ASTN2: variants seen among roughly 807,000 people sequenced by gnomAD.
ASTN2 encodes the protein astrotactin 2.
ASTN2 carries 54 observed loss-of-function variants against 139.8 expected under a neutral mutation model. The observed-to-expected ratio is 0.39, with a 90% CI of 0.31 to 0.48. ASTN2 has a LOEUF of 0.48. Ranked by LOEUF, ASTN2 falls within the 20% of genes least tolerant of loss-of-function variation. The pLI is 0.95. For missense variants in ASTN2, 1,565 were observed against 1,725.1 expected (o/e 0.91, Z 1.64); for synonymous variants, 756 against 719.5 (o/e 1.05, Z -0.81).
intron 1 of ASTN2, among the ~76,000 whole-genome samples, chr9:117,400,377 C>T (rs185996391): frequency 6.6e-6 from 1 of 152,266 alleles, no homozygotes; most frequent in East Asian, 1.9e-4. Context: ...TCTGTTCCCT[C>T]CTGGAAGCAG....
At chr9:116,793,182 C>A (rs1334066424) in intron 13 of ASTN2, among the ~76,000 whole-genome samples, 2 of 152,084 alleles carry the variant, frequency 1.3e-5, no homozygotes, top group East Asian at 3.9e-4. Context: ...TCATTCTATT[C>A]CTAGGAATTT....
chr9:116,648,969 G>T (rs1230084107), intron 17 of ASTN2, among the ~76,000 whole-genome samples: 5 of 151,992 alleles, frequency 3.3e-5, no homozygotes, highest in Non-Finnish European at 7.4e-5. Context: ...AGGAGGCGGA[G>T]GTTGCAGTGA....
chr9:117,105,390 G>C (rs1483542836), intron 4 of ASTN2, among the ~76,000 whole-genome samples: 1 of 152,092 alleles, frequency 6.6e-6, no homozygotes, highest in East Asian at 1.9e-4. Context: ...TCTCAGCTAA[G>C]CCCAGCATTT....
In ASTN2 at chr9:116,939,754, C is replaced by A. The variant is rs57623790; in HGVS notation, c.1889+35454G>T. On this transcript the variant is annotated intron_variant, in intron 10 of 22. Transcript: ENST00000313400. ...TGGTCTCATAAAGCTCACAGCTCCA[C>A]AGTGAAGGGAAGCAGTCAGTTTTCA... is the stretch of plus-strand genomic sequence containing the variant. Among the ~76,000 whole-genome samples the A allele has an allele frequency of 8.8e-3, 1,345 of 152,064 alleles. 28 individuals are homozygous for A. The highest frequency in any genetic ancestry group is 0.031 in the African/African-American group (1,274 of 41,528).
At position 116,423,619 on chromosome 9, in the gene ASTN2, C is replaced by T. The variant is rs1214846966; in HGVS notation, c.*2232G>A. On this transcript the variant is annotated 3_prime_UTR_variant, in exon 23 of 23. Transcript: ENST00000313400. ...CCCAGGAAGTGGTATACATGAGAGG[C>T]ATTTAGAAGCTCCACCTGTATACTT... Among the ~76,000 whole-genome samples, 4 of 152,116 alleles carry T rather than the reference C, an allele frequency of 2.6e-5. No individual in the cohort carries two copies. The highest frequency in any genetic ancestry group is 2.6e-4 in the Admixed American group (4 of 15,278).
intron 1 of ASTN2, among the ~76,000 whole-genome samples, chr9:117,408,978 C>T (rs929688290): frequency 7.9e-5 from 12 of 152,144 alleles, no homozygotes; most frequent in Non-Finnish European, 1.6e-4. Flanking sequence ...CTAAACACCA[C>T]CTCCCCCAAG....
At chr9:116,669,402 C>G (rs1178886993) in intron 16 of ASTN2, among the ~76,000 whole-genome samples, 1 of 152,122 alleles carries the variant, frequency 6.6e-6, no homozygotes, top group African/African-American at 2.4e-5. Context: ...AACAAACAAA[C>G]AAAACAGTAC....
intron 13 of ASTN2, among the ~76,000 whole-genome samples, chr9:116,803,881 T>G (rs6478252): frequency 0.76 from 114,247 of 151,106 alleles, 43,353 homozygotes; most frequent in African/African-American, 0.82. Context: ...ACCTAGGCTG[T>G]TCTCAAACTC....
rs113398393 is a variant in ASTN2, at chr9:116,899,789, A to G, written c.1890-36056T>C. On this transcript the variant is annotated intron_variant, in intron 10 of 22. Transcript: ENST00000313400. ...CTCAGGAGTCATGCAGCCAGAGATC[A>G]CAGGATTCCTAACCTCCCCAACTGC... Among the ~76,000 whole-genome samples, 380 of 152,332 alleles carry G rather than the reference A, an allele frequency of 2.5e-3. 5 individuals carry two copies. Among genetic ancestry groups the G allele is most frequent in the African/African-American group, 8.8e-3 (367 of 41,584 alleles).
intron 1 of ASTN2, among the ~76,000 whole-genome samples, chr9:117,401,205 G>T (rs1207252734): frequency 4.6e-5 from 7 of 152,124 alleles, no homozygotes; most frequent in African/African-American, 1.7e-4. Context: ...TGCCCATTTT[G>T]TCAGGAAATA....
intron 20 of ASTN2, among the ~76,000 whole-genome samples, chr9:116,472,960 C>T (rs2119017516): frequency 6.6e-6 from 1 of 151,092 alleles, no homozygotes; most frequent in South Asian, 2.1e-4. Context: ...CATGGTTCTG[C>T]CATTTACTAA....
chr9:116,697,318 T>C (rs1427644530), intron 16 of ASTN2: 1 of 222,582 alleles, frequency 4.5e-6, no homozygotes, highest in East Asian at 9.8e-5. Flanking sequence ...ATCTTGTTAC[T>C]TAGCCCTTAT....
At chr9:116,862,945 G>GT (rs1832926707) in intron 11 of ASTN2, among the ~76,000 whole-genome samples, 1 of 151,930 alleles carries the variant, frequency 6.6e-6, no homozygotes, top group African/African-American at 2.4e-5. Context: ...AAAACCATCA[G>GT]TTTTGGCACA....
intron 1 of ASTN2, among the ~76,000 whole-genome samples, chr9:117,357,981 T>C (rs924124787): frequency 2.6e-5 from 4 of 152,162 alleles, no homozygotes; most frequent in African/African-American, 4.8e-5. Flanking sequence ...TAGTTTTCAC[T>C]ACCTGAAAAA....
At chr9:116,551,487 C>A (rs899985222) in intron 19 of ASTN2, among the ~76,000 whole-genome samples, 2 of 152,150 alleles carry the variant, frequency 1.3e-5, no homozygotes, top group Non-Finnish European at 2.9e-5. Context: ...CTCTATAAAA[C>A]CAGCTCCTGC....
At chr9:117,030,765 A>AG (rs1838223988) in intron 6 of ASTN2, among the ~76,000 whole-genome samples, 1 of 152,124 alleles carries the variant, frequency 6.6e-6, no homozygotes, top group East Asian at 1.9e-4. Context: ...TGAAGAAAAA[A>AG]AAAAAAGAAT....
chr9:117,236,512 C>G (rs183010287), intron 2 of ASTN2, among the ~76,000 whole-genome samples: 2 of 152,242 alleles, frequency 1.3e-5, no homozygotes, highest in East Asian at 1.9e-4. Context: ...ATGTAGGACC[C>G]CAGGGGCTGG....
chr9:116,439,451 CGGCCTCCCA>C (rs1847775109), intron 22 of ASTN2, among the ~76,000 whole-genome samples: 17 of 139,750 alleles, frequency 1.2e-4, no homozygotes, highest in African/African-American at 4.8e-4. Context: ...CCGCCCGCCT[CGGCCTCCCA>C]AAGTGCTGGG....
At chr9:116,473,191 T>G (rs1848870998) in intron 20 of ASTN2, among the ~76,000 whole-genome samples, 1 of 152,180 alleles carries the variant, frequency 6.6e-6, no homozygotes, top group Non-Finnish European at 1.5e-5. Flanking sequence ...ATAGCTACAC[T>G]GCATACATGA....
Sources: gnomAD v4.1 joint callset for allele counts (sites outside exome capture counted in the v4.1 genomes callset) on GRCh38, gnomAD v4.1.1 for gene constraint, MANE v1.5 for transcripts, NCBI Gene and HGNC (gene_info 2026-07-23, HGNC 2026-07-21) for gene names.